PCDHA13: variants seen among roughly 807,000 people sequenced by gnomAD.
PCDHA13 encodes the protein protocadherin alpha 13.
PCDHA13 carries 54 observed loss-of-function variants against 64.8 expected under a neutral mutation model. The observed-to-expected ratio is 0.83, with a 90% CI of 0.67 to 1.04. The LOEUF (loss-of-function observed/expected upper bound fraction) is 1.04. Ranked by LOEUF, PCDHA13 falls within the 50% of genes least tolerant of loss-of-function variation. The pLI is 0.00. For synonymous variants in PCDHA13, 587 were observed against 564.4 expected, an observed-to-expected ratio of 1.04 and a Z score of -0.57; for missense variants, 1,248 against 1,254.3, an observed-to-expected ratio of 0.99 and a Z score of 0.08.
chr5:140,921,233 T>C lies in PCDHA13; in HGVS notation c.2394+36571T>C, dbSNP rs1431130539. 2.6e-5 allele frequency among the ~76,000 whole-genome samples: 4 copies of C among 152,162 alleles called. No individual in the cohort carries two copies. The East Asian group carries it at 5.8e-4, about 22-fold the overall frequency. ...TTCACGTCTTTTTTGCTAGATGATATTAAGCCACAGATCAAAAAGTCCTAG... is the reference window on the plus strand; with the variant it reads ...TTCACGTCTTTTTTGCTAGATGATACTAAGCCACAGATCAAAAAGTCCTAG... On this transcript the variant is annotated intron_variant, in intron 1 of 3. Coordinates refer to ENST00000289272, the MANE Select transcript of PCDHA13 (RefSeq NM_018904.3).
intron 1 of PCDHA13, chr5:140,968,548 G>T: frequency 6.2e-7 from 1 of 1,614,174 alleles, no homozygotes; most frequent in Non-Finnish European, 8.5e-7. Context: ...TCGAGATGGT[G>T]CCTCGAACTG....
At chr5:140,980,704 G>T (rs2153822525) in intron 2 of PCDHA13, among the ~76,000 whole-genome samples, 1 of 151,890 alleles carries the variant, frequency 6.6e-6, no homozygotes, top group East Asian at 1.9e-4. Context: ...AGCCAAATGT[G>T]CTCCTATTCG....
intron 1 of PCDHA13, chr5:140,968,520 C>A: frequency 6.2e-7 from 1 of 1,614,194 alleles, no homozygotes; most frequent in Non-Finnish European, 8.5e-7. Flanking sequence ...CCTACCTCAA[C>A]CAACTCGTCA....
At chr5:140,964,629 T>C (rs1315614801) in intron 1 of PCDHA13, among the ~76,000 whole-genome samples, 1 of 152,028 alleles carries the variant, frequency 6.6e-6, no homozygotes, top group Non-Finnish European at 1.5e-5. Context: ...TTATAAGCCA[T>C]TTATTTTCAG....
chr5:140,942,206 T>G (rs916002360), intron 1 of PCDHA13, among the ~76,000 whole-genome samples: 1 of 152,152 alleles, frequency 6.6e-6, no homozygotes, highest in African/African-American at 2.4e-5. Context: ...TTTTTGAGCA[T>G]AAGATATTTA....
intron 1 of PCDHA13, among the ~76,000 whole-genome samples, chr5:140,943,172 C>T (rs1370908273): frequency 2.7e-5 from 4 of 148,068 alleles, no homozygotes; most frequent in African/African-American, 1.0e-4. Context: ...GCAGGAAAAT[C>T]GCTTGAACCC....
At position 140,924,017 on chromosome 5, in the gene PCDHA13, T is replaced by C. The variant is rs2081624736; in HGVS notation, c.2394+39355T>C. Among the ~76,000 whole-genome samples, 3 of 152,218 alleles carry C rather than the reference T, an allele frequency of 2.0e-5. No individual in the cohort carries two copies. In the South Asian group the frequency reaches 6.2e-4, roughly 32 times the overall value. On this transcript the variant is annotated intron_variant, in intron 1 of 3. Transcript: ENST00000289272. ...CTCAGAATTCCTAAACCTGGTATAA[T>C]TGGAGGCATGGCTGCAGACCTAAAA...
At chr5:140,961,271 AC>A (rs1460316643) in intron 1 of PCDHA13, among the ~76,000 whole-genome samples, 1 of 152,208 alleles carries the variant, frequency 6.6e-6, no homozygotes, top group Non-Finnish European at 1.5e-5. Context: ...GCTTCTTTTT[AC>A]CATGGCTCTG....
rs1019135464 is a variant in PCDHA13, at chr5:140,897,033, A to G, written c.2394+12371A>G. On this transcript the variant is annotated intron_variant, in intron 1 of 3. Transcript: ENST00000289272. ...TATACAACTAAATTATTTAGACCAT[A>G]GTCACCCTATTCTGCTGTCAAATAC... Among the ~76,000 whole-genome samples, 4 of 152,124 alleles carry G rather than the reference A, an allele frequency of 2.6e-5. No homozygotes were observed. The East Asian group carries it at 7.7e-4, about 29-fold the overall frequency.
chr5:140,892,310 A>AT (rs1422110989), intron 1 of PCDHA13, among the ~76,000 whole-genome samples: 1 of 152,230 alleles, frequency 6.6e-6, no homozygotes, highest in Non-Finnish European at 1.5e-5. Flanking sequence ...TTTGGGGCTT[A>AT]TAACATTTTC....
intron 3 of PCDHA13, among the ~76,000 whole-genome samples, chr5:140,994,116 T>C: frequency 6.6e-6 from 1 of 152,196 alleles, no homozygotes; most frequent in East Asian, 1.9e-4. Context: ...CATTGTCATG[T>C]GATAAGGGCG....
chr5:140,962,047 C>T (rs1288087343), intron 1 of PCDHA13, among the ~76,000 whole-genome samples: 2 of 151,982 alleles, frequency 1.3e-5, no homozygotes, highest in South Asian at 2.1e-4. Context: ...CCATGCCTGG[C>T]TAATTTTTTT....
chr5:140,913,167 T>C (rs1232000053), intron 1 of PCDHA13, among the ~76,000 whole-genome samples: 1 of 152,196 alleles, frequency 6.6e-6, no homozygotes, highest in Non-Finnish European at 1.5e-5. Flanking sequence ...TTGGTATTAG[T>C]TCTTCTTTAA....
intron 3 of PCDHA13, among the ~76,000 whole-genome samples, chr5:141,004,044 T>G (rs2098148933): frequency 6.6e-6 from 1 of 152,234 alleles, no homozygotes; most frequent in African/African-American, 2.4e-5. Context: ...ATTGATCATT[T>G]GCTGATACTG....
At chr5:140,922,565 C>G (rs1334011438) in intron 1 of PCDHA13, among the ~76,000 whole-genome samples, 1 of 152,150 alleles carries the variant, frequency 6.6e-6, no homozygotes, top group Non-Finnish European at 1.5e-5. Context: ...GTCAGGATGA[C>G]AAGTTGCCCT....
At chr5:140,968,125 T>G in intron 1 of PCDHA13, 2 of 1,614,174 alleles carry the variant, frequency 1.2e-6, no homozygotes, top group South Asian at 2.2e-5. Flanking sequence ...CATCCCTGCG[T>G]ACACTGAAGG....
At chr5:140,941,194 T>TCTTC (rs781904538) in intron 1 of PCDHA13, among the ~76,000 whole-genome samples, 2 of 112,354 alleles carry the variant, frequency 1.8e-5, no homozygotes, top group Non-Finnish European at 3.8e-5. Context: ...TCTTTTTTTT[T>TCTTC]CTTTCTTCCT....
chr5:140,900,563 C>G (rs1174778855), intron 1 of PCDHA13, among the ~76,000 whole-genome samples: 4 of 152,164 alleles, frequency 2.6e-5, no homozygotes, highest in Non-Finnish European at 5.9e-5. Flanking sequence ...AGGCGTGAGC[C>G]ACGGCACCGG....
intron 1 of PCDHA13, among the ~76,000 whole-genome samples, chr5:140,936,458 G>A (rs963270336): frequency 2.6e-5 from 4 of 152,046 alleles, no homozygotes; most frequent in Non-Finnish European, 4.4e-5. Flanking sequence ...TCTGTTTAGT[G>A]GTTGCTGTAG....
Sources: allele counts gnomAD v4.1 joint callset (sites outside exome capture counted in the v4.1 genomes callset), GRCh38; gene constraint gnomAD v4.1.1; transcripts MANE v1.5; gene names NCBI Gene and HGNC (gene_info 2026-07-23, HGNC 2026-07-21).